The following ACADSB variants were observed in gnomAD, a reference collection of about 807,000 sequenced individuals.
The protein encoded by ACADSB is acyl-CoA dehydrogenase short/branched chain.
ACADSB carries 40 observed loss-of-function variants against 54.1 expected under a neutral mutation model. That is an observed-to-expected ratio of 0.74 (90% CI 0.57 to 0.96). The LOEUF is 0.96. Among genes scored for constraint, ACADSB ranks in the 40% least tolerant of loss-of-function variants. ACADSB has a pLI of 0.00. For missense variants in ACADSB, 530 were observed against 510.4 expected (o/e 1.04, Z -0.37); for synonymous variants, 182 against 182.8 (o/e 1.00, Z 0.03).
At chr10:123,031,084 A>G (rs1367028899) in intron 1 of ACADSB, among the ~76,000 whole-genome samples, 2 of 152,240 alleles carry the variant, frequency 1.3e-5, no homozygotes, top group African/African-American at 4.8e-5. Flanking sequence ...AAGAGCACAA[A>G]TAATATTTCA....
At chr10:123,030,597 G>C (rs1850313711) in intron 1 of ACADSB, among the ~76,000 whole-genome samples, 1 of 151,900 alleles carries the variant, frequency 6.6e-6, no homozygotes, top group South Asian at 2.1e-4. Flanking sequence ...AACTCTTAAG[G>C]GTCAAGTAGT....
chr10:123,015,274 C>T lies in ACADSB; in HGVS notation c.42+6203C>T, dbSNP rs542957006. On this transcript the variant is annotated intron_variant, in intron 1 of 10. Transcript: ENST00000358776. ...GACTAAGTAACCATAAAGACACTCT[C>T]CCTGGCAACCATCAAAGAGTCTTTC... Among the ~76,000 whole-genome samples, 9 of 152,378 alleles carry T rather than the reference C, an allele frequency of 5.9e-5. No individual in the cohort carries two copies. In the South Asian group the frequency reaches 1.7e-3, roughly 28 times the overall value.
rs753704421 is a variant in ACADSB, at chr10:123,057,508, G to T, written c.*3743G>T. 1.3e-5 allele frequency: 2 copies of T among 152,082 alleles called. No individual in the cohort carries two copies. Among genetic ancestry groups the T allele is most frequent in the Non-Finnish European group, 2.9e-5 (2 of 68,026 alleles). The allele number at this position is 152,082 out of a possible 1,614,324, so 9.4% of individuals were successfully genotyped here. A position where few individuals can be genotyped will look rare whatever the true frequency, so the allele number is the denominator to read the frequency against. On this transcript the variant is annotated 3_prime_UTR_variant, in exon 11 of 11. Transcript: ENST00000358776. The stretch of plus-strand genomic sequence containing the variant: ...TATCTATCTTGCATTTGTGTCTGGC[G>T]GAGAACTAGCCATCAGCCTCCTGAA...
chr10:123,028,106 A>G (rs960302708), intron 1 of ACADSB, among the ~76,000 whole-genome samples: 17 of 152,322 alleles, frequency 1.1e-4, no homozygotes, highest in African/African-American at 1.9e-4. Flanking sequence ...CCTGAGGTCC[A>G]TGACAACTGA....
At chr10:123,037,708 A>G in intron 2 of ACADSB, 39 bp from the exon 3 acceptor site, 1 of 1,407,364 alleles carries the variant, frequency 7.1e-7, no homozygotes, top group East Asian at 2.3e-5. Flanking sequence ...TGTGACTGTC[A>G]CTTTAACATA....
chr10:123,051,308 G>A, intron 9 of ACADSB, 122 bp downstream of exon 9: 2 of 1,219,280 alleles, frequency 1.6e-6, no homozygotes, highest in South Asian at 1.7e-5. Flanking sequence ...TTCAAGTTAA[G>A]ATAACATGGA....
chr10:123,043,591 A>C (rs1850506514), intron 6 of ACADSB, among the ~76,000 whole-genome samples: 1 of 152,194 alleles, frequency 6.6e-6, no homozygotes, highest in Non-Finnish European at 1.5e-5. Context: ...CAGAAGATCC[A>C]GATAGTTAGT....
Position 123,057,313 on chromosome 10 carries a change from GTTAAAA to G in ACADSB, c.*3553_*3558del, listed in dbSNP as rs1186729850. On this transcript the variant is annotated 3_prime_UTR_variant, in exon 11 of 11. Transcript: ENST00000358776. Reference sequence around the variant, plus strand: ...ATTTTGTGCATATTCACCAATAACAGTTAAAATTAATTATGTGTTATAGTTAATATA... The same window carrying G: ...ATTTTGTGCATATTCACCAATAACAGTTAATTATGTGTTATAGTTAATATA... The G allele has an allele frequency of 6.6e-6, 1 of 152,184 alleles. No individual in the cohort carries two copies. The highest frequency in any genetic ancestry group is 1.5e-5 in the Non-Finnish European group (1 of 68,034). The allele number at this position is 152,184 out of a possible 1,614,324, so 9.4% of individuals were successfully genotyped here.
At chr10:123,040,718 A>T in intron 4 of ACADSB, 46 bp downstream of exon 4, 1 of 1,555,912 alleles carries the variant, frequency 6.4e-7, no homozygotes. Context: ...ATCTTTAGTA[A>T]GTTTACAATA....
intron 1 of ACADSB, among the ~76,000 whole-genome samples, chr10:123,011,781 G>A (rs966248825): frequency 1.3e-5 from 2 of 151,810 alleles, no homozygotes; most frequent in Non-Finnish European, 2.9e-5. Flanking sequence ...TGATCCACCC[G>A]CCATGGCCTC....
intron 1 of ACADSB, among the ~76,000 whole-genome samples, chr10:123,027,265 ATGT>A (rs1245628463): frequency 1.3e-5 from 2 of 152,156 alleles, no homozygotes; most frequent in Non-Finnish European, 2.9e-5. Context: ...ACAATCTTAG[ATGT>A]TGTGGCTATG....
chr10:123,021,918 G>A (rs1332996542), intron 1 of ACADSB, among the ~76,000 whole-genome samples: 2 of 152,234 alleles, frequency 1.3e-5, no homozygotes, highest in African/African-American at 4.8e-5. Context: ...CATGCTCTCA[G>A]AAGTGATCTT....
At chr10:123,020,333 C>G (rs1850168107) in intron 1 of ACADSB, among the ~76,000 whole-genome samples, 1 of 149,126 alleles carries the variant, frequency 6.7e-6, no homozygotes, top group Admixed American at 6.7e-5. Context: ...GAGGTTGCTG[C>G]TTTAGTCAGT....
At chr10:123,049,304 T>C (rs982645525) in intron 8 of ACADSB, among the ~76,000 whole-genome samples, 7 of 152,226 alleles carry the variant, frequency 4.6e-5, no homozygotes, top group African/African-American at 1.7e-4. Context: ...TCTTTATTAA[T>C]TTCAATTGTT....
At chr10:123,016,665 CAG>C (rs1314189273) in intron 1 of ACADSB, among the ~76,000 whole-genome samples, 2 of 152,154 alleles carry the variant, frequency 1.3e-5, no homozygotes, top group Non-Finnish European at 2.9e-5. Flanking sequence ...AGTGAAGAAA[CAG>C]GAGTGGACAA....
rs1291138423 is a variant in ACADSB at position 123,044,505 on chromosome 10, T to C, written c.900+20T>C. The stretch of plus-strand genomic sequence containing the variant: ...GCACAGGTAAGTCAGATTTAAACTC[T>C]TCCATGATGTGAGTCAATTAAACTG... On this transcript the variant is annotated intron_variant, in intron 7 of 10. Transcript: ENST00000358776. 1 of 1,571,022 alleles carries C rather than the reference T, an allele frequency of 6.4e-7. No individual in the cohort carries two copies. Among genetic ancestry groups the C allele is most frequent in the African/African-American group, 1.4e-5 (1 of 74,072 alleles).
At chr10:123,034,836 C>G (rs1280534719) in intron 2 of ACADSB, among the ~76,000 whole-genome samples, 1 of 152,198 alleles carries the variant, frequency 6.6e-6, no homozygotes, top group African/African-American at 2.4e-5. Flanking sequence ...TCTCTAGTTC[C>G]CCAGTTCTTG....
rs1850640300 is a variant in ACADSB at position 123,052,081 on chromosome 10, G to T, written c.1128+895G>T. Among the ~76,000 whole-genome samples the T allele has an allele frequency of 6.6e-6, 1 of 152,162 alleles. No individual in the cohort carries two copies. The highest frequency in any genetic ancestry group is 1.5e-5 in the Non-Finnish European group (1 of 68,038). On this transcript the variant is annotated intron_variant, in intron 9 of 10. Coordinates refer to ENST00000358776, the MANE Select transcript of ACADSB (RefSeq NM_001609.4). This position sits in a 1 kb window ranked among gnomAD's most constrained non-coding sequence, Gnocchi z 4.2. ...CTCTCTCCTTTTTCAAAGTGGCAGT[G>T]AGGCCATGTCACCTTCCAGCTTTAA...
At chr10:123,047,019 A>G (rs1272690409) in intron 7 of ACADSB, among the ~76,000 whole-genome samples, 190 bp from the exon 8 acceptor site, 1 of 152,232 alleles carries the variant, frequency 6.6e-6, no homozygotes, top group East Asian at 1.9e-4. Context: ...TTTTCTCCCA[A>G]TTATTGGAAG....
Sources: gnomAD v4.1 joint callset for allele counts (sites outside exome capture counted in the v4.1 genomes callset) on GRCh38, gnomAD v4.1.1 for gene constraint, Gnocchi (gnomAD v3.1) non-coding constraint, MANE v1.5 for transcripts, NCBI Gene and HGNC (gene_info 2026-07-23, HGNC 2026-07-21) for gene names.